Variants in KLHL22 observed in about 807,000 individuals in gnomAD.
The protein encoded by KLHL22 is kelch-like protein 22.
In KLHL22, 18 loss-of-function variants were observed where a neutral mutation model predicts 60.7. The observed-to-expected ratio is 0.30, with a 90% confidence interval of 0.20 to 0.44. The LOEUF is 0.44. Among genes scored for constraint, KLHL22 ranks in the 20% least tolerant of loss-of-function variants. KLHL22 has a pLI of 1.00. For synonymous variants in KLHL22, 355 were observed against 354.5 expected, an observed-to-expected ratio of 1.00 and a Z score of -0.01; for missense variants, 596 against 852.3, an observed-to-expected ratio of 0.70 and a Z score of 3.74.
rs544762281 is a variant in KLHL22, at chr22:20,485,472, A to G, written c.227+3513T>C. On this transcript the variant is annotated intron_variant, in intron 2 of 6. Transcript: ENST00000328879. ...CTCTCTGCCCTTCAGGAAAACTGAG[A>G]TTCCTCCACCTGGGAAACAGCAAGG... 2.0e-5 allele frequency among the ~76,000 whole-genome samples: 3 copies of G among 152,358 alleles called. No homozygotes were observed. In the South Asian group the frequency reaches 6.2e-4, roughly 32 times the overall value.
chr22:20,484,478 A>G (rs2053555323), intron 2 of KLHL22, among the ~76,000 whole-genome samples: 1 of 152,116 alleles, frequency 6.6e-6, no homozygotes, highest in African/African-American at 2.4e-5. Flanking sequence ...TATTTTTAGT[A>G]GAGATGGGTT....
intron 4 of KLHL22, among the ~76,000 whole-genome samples, chr22:20,464,189 C>T (rs901135805): frequency 5.9e-5 from 9 of 151,832 alleles, no homozygotes; most frequent in African/African-American, 1.7e-4. Flanking sequence ...GCGCATCCTA[C>T]GGACCACAGC....
chr22:20,449,587 G>A (rs2052940825), intron 5 of KLHL22, among the ~76,000 whole-genome samples: 1 of 151,780 alleles, frequency 6.6e-6, no homozygotes, highest in African/African-American at 2.4e-5. Context: ...TTTTAGTAGA[G>A]ATGGGGTTTC....
chr22:20,479,157 G>T (rs927370692), intron 2 of KLHL22, among the ~76,000 whole-genome samples: 1 of 151,298 alleles, frequency 6.6e-6, no homozygotes, highest in East Asian at 2.0e-4. Context: ...TTTGGCTCAC[G>T]GCAGCCTCAA....
chr22:20,494,176 C>T (rs368701666), intron 1 of KLHL22, among the ~76,000 whole-genome samples: 3 of 151,932 alleles, frequency 2.0e-5, no homozygotes, highest in Admixed American at 6.6e-5. Context: ...TTCAAGACCA[C>T]CTTGGGCAAT....
chr22:20,494,079 C>CA (rs1023519657), intron 1 of KLHL22, among the ~76,000 whole-genome samples: 6 of 144,992 alleles, frequency 4.1e-5, no homozygotes, highest in Admixed American at 2.1e-4. Context: ...ACTTTGCCCC[C>CA]CCCCCAAAAA....
intron 1 of KLHL22, chr22:20,491,388 C>T (rs2053687318): frequency 6.6e-6 from 1 of 152,178 alleles, no homozygotes; most frequent in Non-Finnish European, 1.5e-5. Context: ...AAGTCCCAAC[C>T]CTCTTATGCC....
chr22:20,450,115 C>T (rs2052952155), intron 5 of KLHL22: 1 of 779,712 alleles, frequency 1.3e-6, no homozygotes, highest in South Asian at 1.4e-5. Flanking sequence ...TTTCTCCGCA[C>T]TGCTTTATGG....
chr22:20,442,118 C>T lies in KLHL22; in HGVS notation c.1860G>A (p.Met620Ile), dbSNP rs1444845023. 7 of 1,522,778 alleles carry T rather than the reference C, an allele frequency of 4.6e-6. No individual in the cohort carries two copies. The highest frequency in any genetic ancestry group is 6.2e-6 in the Non-Finnish European group (7 of 1,134,200). 94.3% of individuals were successfully genotyped at this position (1,522,778 alleles called of 1,614,324 possible). A position where few individuals can be genotyped will look rare whatever the true frequency, so the allele number is the denominator to read the frequency against. The change falls in exon 7 of 7, where the codon ATG (methionine) becomes ATA (isoleucine). Residue 620 changes from methionine to isoleucine, a missense_variant. By Grantham distance (10) the Met-to-Ile change is conservative (BLOSUM62 1). Transcript: ENST00000328879. ...CAAACTCCTCCCAGTCAGACACACT[C>T]ATCACCTCAGAGGCAAAGTCCGGGT... is the stretch of plus-strand genomic sequence containing the variant. The part of the protein sequence containing the change: ...QADPDFASEV[M>I]SVSDWEEFDN...
chr22:20,452,046 T>C (rs573065982), intron 5 of KLHL22, among the ~76,000 whole-genome samples: 3 of 152,130 alleles, frequency 2.0e-5, no homozygotes, highest in East Asian at 1.9e-4. Context: ...AGAATGCACA[T>C]TGAATGGATG....
intron 1 of KLHL22, among the ~76,000 whole-genome samples, chr22:20,492,709 C>A (rs777980556): frequency 6.6e-6 from 1 of 152,122 alleles, no homozygotes; most frequent in Non-Finnish European, 1.5e-5. Context: ...CCTGCCTCAG[C>A]CTCCCCAGTA....
rs368165486 is a variant in KLHL22, at chr22:20,465,265, G to A, written c.705C>T (p.His235=). ...EQVQADQISL[H]EPPKLLETVR... Reference sequence around the variant, plus strand: ...CTGTCTCAAGGAGCTTTGGGGGCTCGTGCAGCGAGATCTGGTCAGCCTGCA... The same window carrying A: ...CTGTCTCAAGGAGCTTTGGGGGCTCATGCAGCGAGATCTGGTCAGCCTGCA... Residue 235 remains histidine (H), a synonymous_variant, in exon 4 of 7, where the codon CAC becomes CAT. Transcript: ENST00000328879. This position sits in a 1 kb window ranked among gnomAD's most constrained non-coding sequence, Gnocchi z 4.9. 2.4e-5 allele frequency: 38 copies of A among 1,613,968 alleles called. 1 individual carries two copies. Among genetic ancestry groups the A allele is most frequent in the South Asian group, 1.2e-4 (11 of 91,076 alleles).
rs1055201457 is a variant in KLHL22 at position 20,450,190 on chromosome 22, GA to G, written c.1306-3515del. The stretch of plus-strand genomic sequence containing the variant: ...ATGCTAAATCAATCCTCAGTTCAAT[GA>G]ACTCCGTTGGGAAGAGCAATACCTT... On this transcript the variant is annotated intron_variant, in intron 5 of 6. Coordinates refer to ENST00000328879, the MANE Select transcript of KLHL22 (RefSeq NM_032775.4). The G allele has an allele frequency of 4.4e-5, 35 of 801,768 alleles. No homozygotes were observed. In the African/African-American group the frequency reaches 5.5e-4, roughly 13 times the overall value. 49.7% of individuals were successfully genotyped at this position (801,768 alleles called of 1,614,324 possible).
At chr22:20,483,521 G>C in intron 2 of KLHL22, 1 of 727,126 alleles carries the variant, frequency 1.4e-6, no homozygotes, top group East Asian at 2.6e-5. Flanking sequence ...AGCTACAGCT[G>C]AGGGACATTG....
rs777458654 is a variant in KLHL22, at chr22:20,465,779, C to A, written c.394-203G>T. Among the ~76,000 whole-genome samples, 3 of 152,114 alleles carry A rather than the reference C, an allele frequency of 2.0e-5. No homozygotes were observed. The highest frequency in any genetic ancestry group is 2.9e-5 in the Non-Finnish European group (2 of 68,014). On this transcript the variant is annotated intron_variant, in intron 3 of 6. Transcript: ENST00000328879. This position sits in a 1 kb window ranked among gnomAD's most constrained non-coding sequence, Gnocchi z 4.9. Reference sequence around the variant, plus strand: ...GTTTAAGTCCTGGTTTGGAAACATACTGGGTGACAGGATATACAGCATGTT... The same window carrying A: ...GTTTAAGTCCTGGTTTGGAAACATAATGGGTGACAGGATATACAGCATGTT...
intron 2 of KLHL22, among the ~76,000 whole-genome samples, chr22:20,487,952 G>GTATGT (rs763100163): frequency 3.3e-5 from 5 of 152,174 alleles, no homozygotes; most frequent in Admixed American, 2.0e-4. Context: ...CCACTGTCCT[G>GTATGT]TATGTTATCT....
chr22:20,492,261 T>C (rs112668245), intron 1 of KLHL22, among the ~76,000 whole-genome samples: 1,961 of 152,260 alleles, frequency 0.013, 45 homozygotes, highest in African/African-American at 0.044. Context: ...CTACTAGTTC[T>C]GATTCCTTCA....
intron 2 of KLHL22, 72 bp from the exon 3 acceptor site, chr22:20,471,587 G>C: frequency 6.5e-7 from 1 of 1,528,664 alleles, no homozygotes; most frequent in Non-Finnish European, 8.9e-7. Flanking sequence ...AAGAGTGACA[G>C]CATTCAGAGA....
chr22:20,492,964 T>G (rs1272590095), intron 1 of KLHL22, among the ~76,000 whole-genome samples: 1 of 151,964 alleles, frequency 6.6e-6, no homozygotes, highest in African/African-American at 2.4e-5. Flanking sequence ...CACAAACATC[T>G]CAAAAGCCCC....
Sources: allele counts gnomAD v4.1 joint callset (sites outside exome capture counted in the v4.1 genomes callset), GRCh38; gene constraint gnomAD v4.1.1; non-coding constraint Gnocchi (gnomAD v3.1); transcripts MANE v1.5; gene names NCBI Gene and HGNC (gene_info 2026-07-23, HGNC 2026-07-21).